Variants in GNG2 observed in about 807,000 individuals in gnomAD.
GNG2 encodes the protein guanine nucleotide-binding protein G(I)/G(S)/G(O) subunit gamma-2.
Under a neutral mutation model 5.5 loss-of-function variants are expected in GNG2, and 5 were observed. The ratio of observed to expected loss-of-function variants is 0.91; its 90% confidence interval spans 0.48 to 1.92. GNG2 has a LOEUF of 1.92. GNG2 is among the 30% of genes most tolerant of loss of function. GNG2 has a pLI of 0.01. For synonymous variants in GNG2, 28 were observed against 32.0 expected (o/e 0.88, Z 0.42); for missense variants, 55 against 88.4 (o/e 0.62, Z 1.52).
At chr14:51,915,537 G>A (rs1474759499) in intron 2 of GNG2, among the ~76,000 whole-genome samples, 2 of 152,184 alleles carry the variant, frequency 1.3e-5, no homozygotes, top group African/African-American at 4.8e-5. Context: ...GAAAATTAGG[G>A]AGGGGAAATG....
At chr14:51,899,443 A>G (rs1885409778) in intron 2 of GNG2, among the ~76,000 whole-genome samples, 1 of 152,238 alleles carries the variant, frequency 6.6e-6, no homozygotes, top group African/African-American at 2.4e-5. Context: ...TTTTTAAAGT[A>G]TGGTAAAATA....
chr14:51,931,660 A>G (rs1255327109), intron 2 of GNG2, among the ~76,000 whole-genome samples: 2 of 152,228 alleles, frequency 1.3e-5, no homozygotes, highest in East Asian at 3.8e-4. Context: ...AATGACAGGA[A>G]AGCAAGACAA....
In GNG2 at chr14:51,961,131, T is replaced by C. The variant is rs1889589433; in HGVS notation, c.88-5428T>C. On this transcript the variant is annotated intron_variant, in intron 3 of 3. Transcript: ENST00000556766. ...TTATCTCCCTTCTCTCAGGGATCAC[T>C]CCTCTGTGCTGCCTATTGTCTAAAA... 2.6e-5 allele frequency among the ~76,000 whole-genome samples: 4 copies of C among 152,310 alleles called. No homozygotes were observed. The South Asian group carries it at 6.2e-4, about 24-fold the overall frequency.
chr14:51,905,907 G>A (rs909895699), intron 2 of GNG2, among the ~76,000 whole-genome samples: 6 of 152,184 alleles, frequency 3.9e-5, no homozygotes, highest in South Asian at 2.1e-4. Context: ...CACTTATGCC[G>A]TTATTGTAAA....
intron 2 of GNG2, among the ~76,000 whole-genome samples, chr14:51,932,200 T>C (rs1222520027): frequency 1.7e-5 from 2 of 117,296 alleles, no homozygotes; most frequent in Admixed American, 1.2e-4. Flanking sequence ...TGAGCCAAGA[T>C]CACACCACTG....
At chr14:51,935,073 G>A (rs148286284) in intron 2 of GNG2, among the ~76,000 whole-genome samples, 6,064 of 140,156 alleles carry the variant, frequency 0.043, 173 homozygotes, top group East Asian at 0.14. Context: ...TGCCCAGGCC[G>A]CAGTGCAGTG....
chr14:51,892,372 C>T (rs115027475), intron 2 of GNG2, among the ~76,000 whole-genome samples: 5,028 of 151,628 alleles, frequency 0.033, 207 homozygotes, highest in East Asian at 0.16. Flanking sequence ...AGAGCTATGG[C>T]GCGATCTTGG....
intron 2 of GNG2, among the ~76,000 whole-genome samples, chr14:51,891,243 G>A (rs757330266): frequency 6.6e-6 from 1 of 152,180 alleles, no homozygotes; most frequent in Non-Finnish European, 1.5e-5. Flanking sequence ...GCAAATAGAA[G>A]GAGGTAAAGA....
intron 2 of GNG2, among the ~76,000 whole-genome samples, chr14:51,907,920 T>C (rs1158873291): frequency 6.6e-6 from 1 of 152,240 alleles, no homozygotes; most frequent in Non-Finnish European, 1.5e-5. Flanking sequence ...ATGTGCAGGT[T>C]GGGAAATAGG....
rs927672812 is a variant in GNG2, at chr14:51,969,646, T to C, written c.*2959T>C. 6.6e-6 allele frequency: 1 copy of C among 152,244 alleles called. No homozygotes were observed. Among genetic ancestry groups the C allele is most frequent in the African/African-American group, 2.4e-5 (1 of 41,462 alleles). The allele number at this position is 152,244 out of a possible 1,614,324, so 9.4% of individuals were successfully genotyped here. A position where few individuals can be genotyped will look rare whatever the true frequency, so the allele number is the denominator to read the frequency against. ...TTAATGTTTTGCAGCCCAAAAGTTG[T>C]TCACATTTTTCCTATATAAGATCTG... On this transcript the variant is annotated 3_prime_UTR_variant, in exon 4 of 4. Coordinates refer to ENST00000556766, the MANE Select transcript of GNG2 (RefSeq NM_053064.5).
At chr14:51,877,517 C>T in intron 1 of GNG2, 100 bp from the exon 2 acceptor site, 1 of 433,866 alleles carries the variant, frequency 2.3e-6, no homozygotes, top group Non-Finnish European at 4.7e-6. Flanking sequence ...TACCACCCAC[C>T]CCCGTTTCAG....
At chr14:51,851,897 G>A (rs139272489) in intron 2 of GNG2, among the ~76,000 whole-genome samples, 151 of 152,300 alleles carry the variant, frequency 9.9e-4, no homozygotes, top group Middle Eastern at 3.4e-3. Flanking sequence ...AAATAAAGGT[G>A]CAGGTAATGT....
rs567930194 is a variant in GNG2 at position 51,909,736 on chromosome 14, TA to T, written c.-30+32081del. ...GAAGTTTGTGTAGCTCATTTGTTAATAAGCTAAACTCTGACATCTTCAGACA... is the reference window on the plus strand; with the variant it reads ...GAAGTTTGTGTAGCTCATTTGTTAATAGCTAAACTCTGACATCTTCAGACA... On this transcript the variant is annotated intron_variant, in intron 2 of 3. Coordinates refer to ENST00000556766, the MANE Select transcript of GNG2 (RefSeq NM_053064.5). Among the ~76,000 whole-genome samples, 41 of 152,314 alleles carry T rather than the reference TA, an allele frequency of 2.7e-4. 1 individual carries two copies. Among genetic ancestry groups the T allele is most frequent in the South Asian group, 8.3e-4 (4 of 4,822 alleles).
intron 2 of GNG2, among the ~76,000 whole-genome samples, chr14:51,929,321 C>G (rs1887520475): frequency 6.6e-6 from 1 of 152,204 alleles, no homozygotes; most frequent in Non-Finnish European, 1.5e-5. Flanking sequence ...CCATTCCTAT[C>G]TACCCCCGAT....
chr14:51,898,604 C>T (rs1280761896), intron 2 of GNG2, among the ~76,000 whole-genome samples: 4 of 152,190 alleles, frequency 2.6e-5, no homozygotes, highest in Non-Finnish European at 5.9e-5. Context: ...CACAAAGGAC[C>T]AGGGAAGGCT....
At chr14:51,949,442 T>C (rs562175689) in intron 2 of GNG2, among the ~76,000 whole-genome samples, 1 of 152,314 alleles carries the variant, frequency 6.6e-6, no homozygotes, top group East Asian at 1.9e-4. Flanking sequence ...ATTTTCCAGG[T>C]TTTCTGTGTG....
intron 2 of GNG2, chr14:51,877,861 C>G (rs1883778078): frequency 3.9e-6 from 1 of 258,194 alleles, no homozygotes; most frequent in Non-Finnish European, 7.8e-6. Context: ...TGATTTTCAT[C>G]CAGAATTTTT....
intron 2 of GNG2, among the ~76,000 whole-genome samples, chr14:51,913,757 T>C (rs574434366): frequency 6.6e-6 from 1 of 152,262 alleles, no homozygotes; most frequent in East Asian, 1.9e-4. Flanking sequence ...AAACTAGAAG[T>C]TACTGTGGGA....
rs1887432697 is a variant in GNG2 at position 51,928,022 on chromosome 14, CTCTCT to C, written c.-29-22626_-29-22622del. On this transcript the variant is annotated intron_variant, in intron 2 of 3. Coordinates refer to ENST00000556766, the MANE Select transcript of GNG2 (RefSeq NM_053064.5). ...ATTGGGTATTTGCCTTTCTCTCTCT[CTCTCT>C]TTTTTTTTTTTTTTTTTTTTGGAGA... Among the ~76,000 whole-genome samples the C allele has an allele frequency of 2.1e-5, 3 of 141,572 alleles. No homozygotes were observed. The South Asian group carries it at 6.7e-4, about 32-fold the overall frequency. The allele number at this position is 141,572 out of a possible 152,430, so 92.9% of individuals were successfully genotyped here.
Sources: gnomAD v4.1 joint callset for allele counts (sites outside exome capture counted in the v4.1 genomes callset) on GRCh38, gnomAD v4.1.1 for gene constraint, MANE v1.5 for transcripts, NCBI Gene and HGNC (gene_info 2026-07-23, HGNC 2026-07-21) for gene names.